The following CEP76 variants were observed in gnomAD, a reference collection of about 807,000 sequenced individuals.
CEP76 encodes the protein centrosomal protein of 76 kDa.
CEP76 carries 55 observed loss-of-function variants against 83.3 expected under a neutral mutation model. The observed-to-expected ratio is 0.66, with a 90% confidence interval of 0.53 to 0.83. The LOEUF (loss-of-function observed/expected upper bound fraction) is 0.83. Ranked by LOEUF, CEP76 falls within the 40% of genes least tolerant of loss-of-function variation. The pLI is 0.00. For missense variants in CEP76, 694 were observed against 799.5 expected (o/e 0.87, Z 1.59); for synonymous variants, 270 against 274.5 (o/e 0.98, Z 0.16).
intron 1 of CEP76, 85 bp downstream of exon 1, chr18:12,702,401 T>A: frequency 9.7e-7 from 1 of 1,027,192 alleles, no homozygotes; most frequent in Admixed American, 1.8e-5. Context: ...GGCAAGCAGA[T>A]GCCGCTGTCG....
Position 12,690,941 on chromosome 18 carries a change from C to A in CEP76, c.933+418G>T, listed in dbSNP as rs535153114. Among the ~76,000 whole-genome samples, 316 of 149,434 alleles carry A rather than the reference C, an allele frequency of 2.1e-3. 3 individuals carry two copies. The highest frequency in any genetic ancestry group is 3.2e-3 in the East Asian group (16 of 5,042). ...CAAAAAATATATATATGCCCAGAGCCCCCCCCCGTTCTGCACACAAGAGCT... is the reference window on the plus strand; with the variant it reads ...CAAAAAATATATATATGCCCAGAGCACCCCCCCGTTCTGCACACAAGAGCT... On this transcript the variant is annotated intron_variant, in intron 7 of 11. Transcript: ENST00000262127.
intron 3 of CEP76, 93 bp downstream of exon 3, chr18:12,699,737 A>G: frequency 1.4e-6 from 1 of 709,344 alleles, no homozygotes; most frequent in Non-Finnish European, 2.2e-6. Context: ...TTTGGGGGGA[A>G]AAAATGGAAA....
chr18:12,701,457 A>C (rs2040147017), intron 1 of CEP76, among the ~76,000 whole-genome samples: 1 of 152,166 alleles, frequency 6.6e-6, no homozygotes, highest in Non-Finnish European at 1.5e-5. Flanking sequence ...TGATAAGGGA[A>C]TCTTACCAGC....
Position 12,686,251 on chromosome 18 carries a change from G to GTGTA in CEP76, c.1122+7_1122+10dup, listed in dbSNP as rs1456645047. On this transcript the variant is annotated intron_variant, in intron 8 of 11. Transcript: ENST00000262127. ...ATACTGCTACTTAATTCTATTATGT[G>GTGTA]TGTATAATACCTTGTTTCTACAGAG... 6.3e-7 allele frequency: 1 copy of GTGTA among 1,590,430 alleles called. No homozygotes were observed. The highest frequency in any genetic ancestry group is 1.3e-5 in the African/African-American group (1 of 74,254).
Position 12,672,953 on chromosome 18 carries a change from G to A in CEP76, c.*412C>T. On this transcript the variant is annotated 3_prime_UTR_variant, in exon 12 of 12. Transcript: ENST00000262127. The stretch of plus-strand genomic sequence containing the variant: ...TCATGAGGTTAATTTCTCCTAATCT[G>A]TATAAAATAATTCCATTAACCTGTG... The A allele has an allele frequency of 1.0e-6, 1 of 983,504 alleles. No homozygotes were observed. Among genetic ancestry groups the A allele is most frequent in the East Asian group, 1.1e-4 (1 of 8,980 alleles). The allele number at this position is 983,504 out of a possible 1,614,324, so 60.9% of individuals were successfully genotyped here.
At chr18:12,695,186 G>T in intron 6 of CEP76, 68 bp downstream of exon 6, 1 of 581,254 alleles carries the variant, frequency 1.7e-6, no homozygotes, top group Non-Finnish European at 2.9e-6. Flanking sequence ...GTGCTTTCTA[G>T]GATCAACAGG....
intron 8 of CEP76, chr18:12,684,942 A>G (rs981512040): frequency 6.6e-6 from 1 of 152,204 alleles, no homozygotes; most frequent in African/African-American, 2.4e-5. Context: ...AACAAACTAA[A>G]TAGCATGCAA....
chr18:12,680,915 T>C (rs944437447), intron 8 of CEP76, 87 bp from the exon 9 acceptor site: 24 of 1,249,876 alleles, frequency 1.9e-5, no homozygotes, highest in Non-Finnish European at 2.6e-5. Context: ...TAAAAATTTA[T>C]TGGCTGGGCA....
chr18:12,698,248 A>G (rs1335377363), intron 4 of CEP76, among the ~76,000 whole-genome samples: 1 of 152,018 alleles, frequency 6.6e-6, no homozygotes, highest in African/African-American at 2.4e-5. Flanking sequence ...TTATTTATTT[A>G]AACAGAGTCT....
At chr18:12,662,326 ATAT>A (rs1430059006) in intron 12 of CEP76, among the ~76,000 whole-genome samples, 7 of 152,264 alleles carry the variant, frequency 4.6e-5, no homozygotes, top group Non-Finnish European at 7.3e-5. Context: ...GAAGGGTCAG[ATAT>A]TATTATTCCT....
At chr18:12,692,561 C>T (rs555184069) in intron 6 of CEP76, among the ~76,000 whole-genome samples, 2 of 152,308 alleles carry the variant, frequency 1.3e-5, no homozygotes, top group African/African-American at 2.4e-5. Context: ...GTTGTTCAGA[C>T]TCTTTCCCTA....
downstream of CEP76, among the ~76,000 whole-genome samples, chr18:12,672,087 G>T (rs1047371833): frequency 6.7e-6 from 1 of 150,072 alleles, no homozygotes; most frequent in Admixed American, 6.7e-5. Flanking sequence ...CAAAGTGCTG[G>T]CATTACAGGT....
chr18:12,684,667 G>A (rs1198855888), intron 8 of CEP76: 1 of 151,698 alleles, frequency 6.6e-6, no homozygotes, highest in Non-Finnish European at 1.5e-5. Context: ...TTTTTCAGTA[G>A]AGATGGAGTT....
chr18:12,684,148 T>G (rs1215942578), intron 8 of CEP76: 1 of 151,668 alleles, frequency 6.6e-6, no homozygotes, highest in Admixed American at 6.6e-5. Context: ...TTTTTGTGTT[T>G]TTAGTAGAGA....
At chr18:12,686,040 G>T in intron 8 of CEP76, 1 of 414,074 alleles carries the variant, frequency 2.4e-6, no homozygotes. Flanking sequence ...CATAAACGTT[G>T]TTACACACCA....
chr18:12,682,721 C>T (rs1291333533), intron 8 of CEP76, among the ~76,000 whole-genome samples: 1 of 151,910 alleles, frequency 6.6e-6, no homozygotes, highest in Non-Finnish European at 1.5e-5. Flanking sequence ...CTCCTCCTCC[C>T]GGGTTCCAAT....
chr18:12,669,552 T>A (rs1431930311), downstream of CEP76, among the ~76,000 whole-genome samples: 1 of 152,110 alleles, frequency 6.6e-6, no homozygotes, highest in Non-Finnish European at 1.5e-5. Flanking sequence ...TAAATAGACA[T>A]ATATAAAACT....
At chr18:12,665,297 T>C (rs9951546) in intron 12 of CEP76, among the ~76,000 whole-genome samples, 150,019 of 152,270 alleles carry the variant, frequency 0.99, 73,935 homozygotes, top group Middle Eastern at 1. Flanking sequence ...CGTGGTGGTA[T>C]GTGCCTGTGG....
Position 12,680,765 on chromosome 18 carries a change from A to C in CEP76, c.1186T>G (p.Phe396Val). ...SLLLGYGLEA[F>V]VCVGTKAKGV... Reference sequence around the variant, plus strand: ...TTTGCCTTGGTCCCAACACAAACAAAGGCTTCTAATCCATATCCAAGAAGA... The same window carrying C: ...TTTGCCTTGGTCCCAACACAAACAACGGCTTCTAATCCATATCCAAGAAGA... The change falls in exon 9 of 12, where the codon TTT becomes GTT. Residue 396 changes from phenylalanine (F) to valine (V), a missense_variant. Transcript: ENST00000262127. 6.2e-7 allele frequency: 1 copy of C among 1,613,896 alleles called. No homozygotes were observed. Among genetic ancestry groups the C allele is most frequent in the Non-Finnish European group, 8.5e-7 (1 of 1,179,894 alleles).
Sources: allele counts gnomAD v4.1 joint callset (sites outside exome capture counted in the v4.1 genomes callset), GRCh38; gene constraint gnomAD v4.1.1; transcripts MANE v1.5; gene names NCBI Gene and HGNC (gene_info 2026-07-23, HGNC 2026-07-21).